Variants in DOCK9 observed in about 807,000 individuals in gnomAD.
The protein encoded by DOCK9 is dedicator of cytokinesis 9.
In DOCK9, 89 loss-of-function variants were observed where a neutral mutation model predicts 263.3. That is an observed-to-expected ratio of 0.34 (90% CI 0.28 to 0.40). The LOEUF is 0.40. Ranked by LOEUF, DOCK9 falls within the 10% of genes least tolerant of loss-of-function variation. DOCK9 has a pLI of 1.00. For missense variants in DOCK9, 2,140 were observed against 2,603.4 expected, an observed-to-expected ratio of 0.82 and a Z score of 3.87; for synonymous variants, 976 against 973.1, an observed-to-expected ratio of 1.00 and a Z score of -0.06.
chr13:99,031,123 T>TAAA (rs1555297072), intron 1 of DOCK9, among the ~76,000 whole-genome samples: 74 of 151,648 alleles, frequency 4.9e-4, no homozygotes, highest in Middle Eastern at 6.8e-3. Context: ...ATGTTTTTTT[T>TAAA]AAAAAAAAGT....
At position 98,922,036 on chromosome 13, in the gene DOCK9, G is replaced by T; in HGVS notation, c.582+15C>A. 6.4e-7 allele frequency: 1 copy of T among 1,569,644 alleles called. No individual in the cohort carries two copies. Among genetic ancestry groups the T allele is most frequent in the South Asian group, 1.2e-5 (1 of 85,708 alleles). ...GGCTTGTGAGAGGGGAGGGCAAAGTGATGTGCGTCCTCACCCTCATGGTCA... is the reference window on the plus strand; with the variant it reads ...GGCTTGTGAGAGGGGAGGGCAAAGTTATGTGCGTCCTCACCCTCATGGTCA... On this transcript the variant is annotated intron_variant, in intron 6 of 52. Transcript: ENST00000682017.
intron 1 of DOCK9, among the ~76,000 whole-genome samples, chr13:99,021,227 A>G (rs1886052938): frequency 6.6e-6 from 1 of 152,248 alleles, no homozygotes; most frequent in African/African-American, 2.4e-5. Context: ...CCTGATAATG[A>G]GACTAAAAGT....
intron 3 of DOCK9, among the ~76,000 whole-genome samples, chr13:98,927,000 A>G (rs2053082749): frequency 6.6e-6 from 1 of 152,268 alleles, no homozygotes; most frequent in Admixed American, 6.5e-5. Flanking sequence ...AAACTCATGA[A>G]AGTAAGAATT....
upstream of DOCK9, among the ~76,000 whole-genome samples, chr13:98,980,589 T>G (rs142038792): frequency 1.1e-3 from 164 of 152,398 alleles, no homozygotes; most frequent in Non-Finnish European, 2.0e-3. Flanking sequence ...GCCTTTAGCC[T>G]TTAAGTGCCT....
In DOCK9 at chr13:98,955,654, T is replaced by TA. The variant is rs1379731315; in HGVS notation, c.127-104dup. 5.2e-6 allele frequency: 4 copies of TA among 770,056 alleles called. No homozygotes were observed. The African/African-American group carries it at 7.0e-5, about 13-fold the overall frequency. The allele number at this position is 770,056 out of a possible 1,614,324, so 47.7% of individuals were successfully genotyped here. The stretch of plus-strand genomic sequence containing the variant: ...CTCTATGTTTTGTATTTTCTACAAT[T>TA]AGAGTATGCTAGTTTTGGTATCACA... On this transcript the variant is annotated intron_variant, in intron 1 of 52. Coordinates refer to ENST00000682017, the MANE Select transcript of DOCK9 (RefSeq NM_001366683.2).
intron 1 of DOCK9, among the ~76,000 whole-genome samples, chr13:99,043,160 G>A (rs1198915960): frequency 6.6e-6 from 1 of 151,910 alleles, no homozygotes; most frequent in African/African-American, 2.4e-5. Context: ...AAAGCTCATG[G>A]GTCACTGCCT....
intron 1 of DOCK9, among the ~76,000 whole-genome samples, chr13:98,996,427 T>A (rs1189253019): frequency 6.6e-6 from 1 of 152,224 alleles, no homozygotes; most frequent in Non-Finnish European, 1.5e-5. Flanking sequence ...CTAAGATCAA[T>A]ACTAATATTA....
intron 1 of DOCK9, among the ~76,000 whole-genome samples, chr13:99,065,920 A>G (rs2041395349): frequency 6.6e-6 from 1 of 152,236 alleles, no homozygotes; most frequent in Non-Finnish European, 1.5e-5. Context: ...TAATTGATGC[A>G]TGTACGAAAT....
chr13:98,796,310 C>A, intron 52 of DOCK9: 1 of 1,014,532 alleles, frequency 9.9e-7, no homozygotes, highest in South Asian at 1.4e-5. Context: ...ACTAAACTGT[C>A]AGGGGATAGG....
intron 1 of DOCK9, among the ~76,000 whole-genome samples, chr13:99,080,829 G>A (rs1410635685): frequency 6.6e-6 from 1 of 152,128 alleles, no homozygotes; most frequent in Non-Finnish European, 1.5e-5. Context: ...CCGTCCACCT[G>A]TTTAGATCAT....
At chr13:98,910,584 G>A (rs56029570) in intron 9 of DOCK9, among the ~76,000 whole-genome samples, 9 of 152,046 alleles carry the variant, frequency 5.9e-5, no homozygotes, top group Non-Finnish European at 1.0e-4. Context: ...ACTTCCTGTC[G>A]GTCATATCCT....
At chr13:98,878,774 T>C (rs1321584002) in intron 27 of DOCK9, among the ~76,000 whole-genome samples, 3 of 152,236 alleles carry the variant, frequency 2.0e-5, no homozygotes, top group African/African-American at 7.2e-5. Context: ...GCCCAGTGTC[T>C]GCTTTACGGG....
At chr13:99,085,408 C>T (rs1479633389) in intron 1 of DOCK9, among the ~76,000 whole-genome samples, 1 of 152,250 alleles carries the variant, frequency 6.6e-6, no homozygotes, top group African/African-American at 2.4e-5. Context: ...CCCGCACCAT[C>T]CAGGTGAATC....
At position 98,826,848 on chromosome 13, in the gene DOCK9, C is replaced by T; in HGVS notation, c.5005G>A (p.Glu1669Lys). The change falls in exon 44 of 53, where the codon GAA becomes AAA. Residue 1669 changes from glutamate (E) to lysine (K), a missense_variant. Glu to Lys is a moderately conservative substitution (Grantham distance 56, BLOSUM62 1). This residue lies in a region of DOCK9 where 619 missense variants were observed against 861.8 expected (regional missense o/e 0.72). Transcript: ENST00000682017. ...CYVHVTALVA[E>K]YLTRKGVFRQ... ...TCCTTACCTTTCCGTGTGAGATATT[C>T]TGCCACTAGGGCTGTTACGTGGACA... 1.9e-6 allele frequency: 3 copies of T among 1,610,480 alleles called. No individual in the cohort carries two copies. Among genetic ancestry groups the T allele is most frequent in the Non-Finnish European group, 1.7e-6 (2 of 1,178,366 alleles).
chr13:99,073,943 A>C (rs1478138318), intron 1 of DOCK9, among the ~76,000 whole-genome samples: 1 of 152,234 alleles, frequency 6.6e-6, no homozygotes, highest in Non-Finnish European at 1.5e-5. Context: ...TGCTGGCATT[A>C]GATTCTCCAG....
chr13:98,846,109 C>T (rs1056619862), intron 37 of DOCK9, 49 bp from the exon 38 acceptor site: 1 of 1,544,420 alleles, frequency 6.5e-7, no homozygotes, highest in Non-Finnish European at 8.8e-7. Context: ...ACGTGTTACA[C>T]TGCAGCGAGA....
At chr13:98,828,437 A>G (rs1183102009) in intron 43 of DOCK9, among the ~76,000 whole-genome samples, 2 of 152,238 alleles carry the variant, frequency 1.3e-5, no homozygotes, top group Non-Finnish European at 2.9e-5. Context: ...ATTATGGCCA[A>G]TGTGTGGTTT....
chr13:98,896,540 G>T (rs1399471426), intron 15 of DOCK9, among the ~76,000 whole-genome samples: 3 of 151,448 alleles, frequency 2.0e-5, no homozygotes, highest in African/African-American at 7.3e-5. Flanking sequence ...TTAGCATTTG[G>T]CTCTCAGCTA....
At chr13:99,073,466 C>T (rs1416241264) in intron 1 of DOCK9, among the ~76,000 whole-genome samples, 4 of 151,698 alleles carry the variant, frequency 2.6e-5, no homozygotes, top group South Asian at 2.1e-4. Flanking sequence ...GGCCTCGGGT[C>T]GATTTCTATT....
Sources: gnomAD v4.1 joint callset for allele counts (sites outside exome capture counted in the v4.1 genomes callset) on GRCh38, gnomAD v4.1.1 for gene constraint, gnomAD v4.1.1 regional missense constraint, MANE v1.5 for transcripts, NCBI Gene and HGNC (gene_info 2026-07-23, HGNC 2026-07-21) for gene names.